BTBD9: variants seen among roughly 807,000 people sequenced by gnomAD.
The protein encoded by BTBD9 is BTB domain containing 9.
A neutral mutation model predicts 64.3 loss-of-function variants in BTBD9; 49 were observed. That is an observed-to-expected ratio of 0.76 (90% CI 0.61 to 0.97). The LOEUF (loss-of-function observed/expected upper bound fraction) is 0.97. Among genes scored for constraint, BTBD9 ranks in the 50% least tolerant of loss-of-function variants. The probability of loss-of-function intolerance (pLI) is 0.00; values close to 1 mark genes in which losing one functional copy is unlikely to be tolerated. For synonymous variants in BTBD9, 260 were observed against 274.7 expected (o/e 0.95, Z 0.53); for missense variants, 598 against 762.1 (o/e 0.78, Z 2.53).
intron 6 of BTBD9, among the ~76,000 whole-genome samples, chr6:38,379,787 C>G (rs1168019691): frequency 6.6e-6 from 1 of 152,148 alleles, no homozygotes; most frequent in Non-Finnish European, 1.5e-5. Flanking sequence ...TGCATGACCA[C>G]AGTGAAAATT....
chr6:38,284,958 AT>A (rs1354237693), intron 8 of BTBD9, among the ~76,000 whole-genome samples: 1 of 141,376 alleles, frequency 7.1e-6, no homozygotes, highest in African/African-American at 2.5e-5. Flanking sequence ...TTATCGCTGG[AT>A]AGGCTGTGAC....
chr6:38,377,144 G>A (rs1314286643), intron 6 of BTBD9, among the ~76,000 whole-genome samples: 1 of 152,098 alleles, frequency 6.6e-6, no homozygotes, highest in Non-Finnish European at 1.5e-5. Context: ...CTCATTCAAA[G>A]TGCTACCAGT....
At chr6:38,217,931 C>T (rs917758490) in intron 9 of BTBD9, among the ~76,000 whole-genome samples, 1 of 152,028 alleles carries the variant, frequency 6.6e-6, no homozygotes, top group Admixed American at 6.5e-5. Flanking sequence ...CCATTGTACC[C>T]AAGGGATGTC....
chr6:38,587,985 C>T (rs1776617122), intron 4 of BTBD9: 2 of 741,306 alleles, frequency 2.7e-6, no homozygotes, highest in Non-Finnish European at 2.5e-6. Context: ...TCAGTAGCAG[C>T]TCACCCACCA....
chr6:38,378,598 G>A (rs1180827831), intron 6 of BTBD9, among the ~76,000 whole-genome samples: 1 of 151,432 alleles, frequency 6.6e-6, no homozygotes, highest in Admixed American at 6.6e-5. Context: ...TAAAGGCCAG[G>A]TGCAGTGGCT....
At chr6:38,295,431 G>A (rs939821624) in intron 7 of BTBD9, among the ~76,000 whole-genome samples, 1 of 152,136 alleles carries the variant, frequency 6.6e-6, no homozygotes, top group Admixed American at 6.5e-5. Flanking sequence ...TTCCCAAAGT[G>A]CTGGGGTTAT....
intron 6 of BTBD9, among the ~76,000 whole-genome samples, chr6:38,480,062 T>C (rs1562242908): frequency 1.3e-5 from 2 of 152,214 alleles, no homozygotes; most frequent in Non-Finnish European, 2.9e-5. Context: ...CGCTCTTTTC[T>C]ATAGACTGCT....
At chr6:38,579,455 T>C (rs1776194513) in intron 5 of BTBD9, among the ~76,000 whole-genome samples, 1 of 152,362 alleles carries the variant, frequency 6.6e-6, no homozygotes, top group Non-Finnish European at 1.5e-5. Context: ...ACTGCTCTGG[T>C]ACTTCTGCCA....
chr6:38,315,301 T>G (rs1379931834), intron 7 of BTBD9, among the ~76,000 whole-genome samples: 21 of 152,240 alleles, frequency 1.4e-4, no homozygotes, highest in Admixed American at 1.4e-3. Flanking sequence ...TGATCTTTAT[T>G]CTCTCTTTTC....
Position 38,594,208 on chromosome 6 carries a change from A to G in BTBD9, c.305T>C (p.Leu102Pro). The change falls in exon 3 of 11, where the codon CTG (leucine) becomes CCG (proline). Residue 102 changes from leucine (L) to proline (P), a missense_variant. Physicochemically the swap from Leu to Pro is moderately conservative, Grantham distance 98. Coordinates refer to ENST00000481247, the MANE Select transcript of BTBD9 (RefSeq NM_001099272.2). ...LKYIYTGRAT[L>P]TDEKEEVLLD... ...CAGCACCTCCTCCTTCTCATCTGTCAGCGTTGCCCGCCCAGTGTAGATATA... is the reference window on the plus strand; with the variant it reads ...CAGCACCTCCTCCTTCTCATCTGTCGGCGTTGCCCGCCCAGTGTAGATATA... The G allele has an allele frequency of 6.2e-7, 1 of 1,614,208 alleles. No homozygotes were observed. Among genetic ancestry groups the G allele is most frequent in the Non-Finnish European group, 8.5e-7 (1 of 1,180,030 alleles).
rs111401069 is a variant in BTBD9 at position 38,418,242 on chromosome 6, A to C, written c.1155-73149T>G. ...TCTTTCTGACTCTAAATACAGGAATAAATATGTTTAGGGTTGCACAACTAC... is the reference window on the plus strand; with the variant it reads ...TCTTTCTGACTCTAAATACAGGAATCAATATGTTTAGGGTTGCACAACTAC... On this transcript the variant is annotated intron_variant, in intron 6 of 10. Coordinates refer to ENST00000481247, the MANE Select transcript of BTBD9 (RefSeq NM_001099272.2). Among the ~76,000 whole-genome samples, 1,111 of 152,322 alleles carry C rather than the reference A, an allele frequency of 7.3e-3. 9 individuals are homozygous for C. Among genetic ancestry groups the C allele is most frequent in the African/African-American group, 0.025 (1,051 of 41,568 alleles).
chr6:38,548,010 C>T (rs1403128343), intron 6 of BTBD9, among the ~76,000 whole-genome samples: 1 of 152,152 alleles, frequency 6.6e-6, no homozygotes. Flanking sequence ...AAAAGAAAAA[C>T]ATTCCCACCC....
At chr6:38,489,708 T>C (rs1195995182) in intron 6 of BTBD9, among the ~76,000 whole-genome samples, 4 of 152,208 alleles carry the variant, frequency 2.6e-5, no homozygotes, top group Non-Finnish European at 5.9e-5. Flanking sequence ...AAGCATGAAA[T>C]GGTTTCTCTT....
chr6:38,508,598 C>G (rs190656225), intron 6 of BTBD9, among the ~76,000 whole-genome samples: 2 of 152,250 alleles, frequency 1.3e-5, no homozygotes, highest in East Asian at 3.9e-4. Context: ...ATCACATCAC[C>G]CCACTACTTA....
At chr6:38,190,186 C>T (rs1761997869) in intron 10 of BTBD9, among the ~76,000 whole-genome samples, 1 of 151,874 alleles carries the variant, frequency 6.6e-6, no homozygotes, top group South Asian at 2.1e-4. Context: ...TGATTCCTGG[C>T]CCAGCGTGGT....
intron 6 of BTBD9, among the ~76,000 whole-genome samples, chr6:38,454,498 A>T (rs1487883863): frequency 6.8e-6 from 1 of 148,042 alleles, no homozygotes; most frequent in Admixed American, 6.9e-5. Flanking sequence ...TAATTATCTT[A>T]AATATAATAT....
chr6:38,539,463 A>C (rs577990862), intron 6 of BTBD9, among the ~76,000 whole-genome samples: 6 of 152,338 alleles, frequency 3.9e-5, no homozygotes, highest in Non-Finnish European at 7.4e-5. Context: ...CAGATGGCTG[A>C]TATTATAAGT....
At chr6:38,324,830 T>TG (rs1168441467) in intron 7 of BTBD9, among the ~76,000 whole-genome samples, 2 of 152,094 alleles carry the variant, frequency 1.3e-5, no homozygotes, top group African/African-American at 2.4e-5. Context: ...AACACACAGG[T>TG]GCAAAGGAGA....
At chr6:38,235,881 G>A (rs905744564) in intron 9 of BTBD9, among the ~76,000 whole-genome samples, 2 of 152,230 alleles carry the variant, frequency 1.3e-5, no homozygotes, top group South Asian at 2.1e-4. Context: ...GTATAAAATA[G>A]AACACACAAG....
Sources: gnomAD v4.1 joint callset for allele counts (sites outside exome capture counted in the v4.1 genomes callset) on GRCh38, gnomAD v4.1.1 for gene constraint, MANE v1.5 for transcripts, NCBI Gene and HGNC (gene_info 2026-07-23, HGNC 2026-07-21) for gene names.